The following PXDNL variants were observed in gnomAD, a reference collection of about 807,000 sequenced individuals.
PXDNL encodes probable oxidoreductase PXDNL.
A neutral mutation model predicts 150.8 loss-of-function variants in PXDNL; 145 were observed. That is an observed-to-expected ratio of 0.96 (90% confidence interval 0.84 to 1.10). The LOEUF is 1.10. Ranked by LOEUF, PXDNL falls within the 50% of genes least tolerant of loss-of-function variation. The pLI is 0.00. For synonymous variants in PXDNL, 757 were observed against 725.7 expected (o/e 1.04, Z -0.69); for missense variants, 2,087 against 1,873.9 (o/e 1.11, Z -2.10).
At chr8:51,486,679 G>A (rs1201091066) in intron 5 of PXDNL, among the ~76,000 whole-genome samples, 1 of 135,156 alleles carries the variant, frequency 7.4e-6, no homozygotes, top group Non-Finnish European at 1.5e-5. Flanking sequence ...GTTGATTTCT[G>A]CTTGTAGATG....
chr8:51,799,203 CAAGGAGGAGAAAAACACACACAGGA>C (rs1244574896), intron 1 of PXDNL, among the ~76,000 whole-genome samples: 1 of 152,038 alleles, frequency 6.6e-6, no homozygotes, highest in Non-Finnish European at 1.5e-5. Flanking sequence ...CACATGGACA[CAAGGAGGAGAAAAACACACACAGGA>C]GCCTGTGGGG....
chr8:51,453,545 T>TA lies in PXDNL; in HGVS notation c.1222_1223insT (p.Gln408LeufsTer34). On this transcript the variant is annotated frameshift_variant, in exon 10 of 23. Coordinates refer to ENST00000356297, the MANE Select transcript of PXDNL (RefSeq NM_144651.5). LOFTEE classifies it high-confidence loss of function. ...TTGTACAATTATGTTTGCTGCAGCT[T>TA]GAACAGTGCCGTGGCTATTGTTGGC... The TA allele has an allele frequency of 1.2e-6, 2 of 1,614,074 alleles. No homozygotes were observed. Among genetic ancestry groups the TA allele is most frequent in the Non-Finnish European group, 1.7e-6 (2 of 1,179,912 alleles).
intron 8 of PXDNL, among the ~76,000 whole-genome samples, chr8:51,462,105 CCA>C (rs1185410432): frequency 1.3e-5 from 2 of 152,166 alleles, no homozygotes; most frequent in Non-Finnish European, 2.9e-5. Context: ...TCAACATACA[CCA>C]CAGTCAAAAC....
chr8:51,493,143 G>A (rs993127976), intron 5 of PXDNL, among the ~76,000 whole-genome samples: 12 of 152,202 alleles, frequency 7.9e-5, no homozygotes, highest in Non-Finnish European at 1.2e-4. Context: ...CTGTTCTGCA[G>A]ACTGCGCTGC....
chr8:51,591,141 C>T (rs1427073601), intron 3 of PXDNL, among the ~76,000 whole-genome samples: 1 of 152,136 alleles, frequency 6.6e-6, no homozygotes, highest in Non-Finnish European at 1.5e-5. Flanking sequence ...TCTGTATGCT[C>T]ATTTGTCCTT....
chr8:51,480,336 G>T (rs78971172), intron 6 of PXDNL, among the ~76,000 whole-genome samples: 4 of 152,178 alleles, frequency 2.6e-5, no homozygotes, highest in African/African-American at 7.2e-5. Flanking sequence ...CATTAGCTCT[G>T]GGGGAGGCCT....
At chr8:51,604,592 A>G (rs971997649) in intron 2 of PXDNL, among the ~76,000 whole-genome samples, 4 of 152,220 alleles carry the variant, frequency 2.6e-5, no homozygotes, top group Non-Finnish European at 5.9e-5. Context: ...TGGCACATGT[A>G]TATATATGTA....
At chr8:51,400,001 AT>A (rs1363082636) in intron 17 of PXDNL, among the ~76,000 whole-genome samples, 9 of 152,252 alleles carry the variant, frequency 5.9e-5, no homozygotes, top group African/African-American at 2.2e-4. Flanking sequence ...TAATTGTAAA[AT>A]AATCTATCAT....
intron 1 of PXDNL, among the ~76,000 whole-genome samples, chr8:51,715,965 A>G (rs985818836): frequency 1.3e-5 from 2 of 152,224 alleles, no homozygotes; most frequent in Non-Finnish European, 2.9e-5. Context: ...GCAAATTTAA[A>G]TTCAAAAGTT....
intron 1 of PXDNL, among the ~76,000 whole-genome samples, chr8:51,667,180 A>G (rs1815403015): frequency 6.6e-6 from 1 of 152,198 alleles, no homozygotes; most frequent in East Asian, 1.9e-4. Flanking sequence ...GAATCTGATA[A>G]GAAAGCCTGA....
rs142173346 is a variant in PXDNL at position 51,700,492 on chromosome 8, T to A, written c.165-45732A>T. Among the ~76,000 whole-genome samples the A allele has an allele frequency of 4.6e-5, 7 of 151,426 alleles. No individual in the cohort carries two copies. The East Asian group carries it at 1.4e-3, about 29-fold the overall frequency. ...ACACACATGCATACACACATATACA[T>A]ATATACACACATATAAACATAACAT... On this transcript the variant is annotated intron_variant, in intron 1 of 22. Transcript: ENST00000356297.
intron 5 of PXDNL, among the ~76,000 whole-genome samples, chr8:51,490,088 G>T (rs1313279532): frequency 2.3e-4 from 35 of 152,244 alleles, no homozygotes; most frequent in Non-Finnish European, 5.9e-5. Context: ...TGAAGATATT[G>T]CAAAGACACA....
At chr8:51,807,193 G>A (rs923159134) in intron 1 of PXDNL, among the ~76,000 whole-genome samples, 3 of 152,188 alleles carry the variant, frequency 2.0e-5, no homozygotes, top group Admixed American at 6.5e-5. Flanking sequence ...TCTGCAGGCT[G>A]TACAAGAAGT....
intron 3 of PXDNL, among the ~76,000 whole-genome samples, chr8:51,585,211 CT>C (rs1347207160): frequency 6.6e-6 from 1 of 152,074 alleles, no homozygotes; most frequent in Non-Finnish European, 1.5e-5. Flanking sequence ...TTTGAAGCTC[CT>C]GTGGGACATA....
At chr8:51,575,065 T>A (rs762297000) in intron 3 of PXDNL, among the ~76,000 whole-genome samples, 16 of 152,054 alleles carry the variant, frequency 1.1e-4, no homozygotes, top group Non-Finnish European at 1.6e-4. Flanking sequence ...ATAATAGCAT[T>A]TTCTGAAGTA....
intron 2 of PXDNL, among the ~76,000 whole-genome samples, chr8:51,612,702 G>T (rs1279317613): frequency 1.3e-5 from 2 of 152,214 alleles, no homozygotes; most frequent in Non-Finnish European, 2.9e-5. Context: ...GACACAGGGA[G>T]AAGTTGGCAG....
intron 17 of PXDNL, among the ~76,000 whole-genome samples, chr8:51,379,752 T>C (rs942664465): frequency 6.6e-6 from 1 of 152,172 alleles, no homozygotes; most frequent in Non-Finnish European, 1.5e-5. Flanking sequence ...CATAGAGATA[T>C]TCTCTTTTAT....
At chr8:51,715,217 G>T (rs1275014521) in intron 1 of PXDNL, among the ~76,000 whole-genome samples, 1 of 152,162 alleles carries the variant, frequency 6.6e-6, no homozygotes, top group Non-Finnish European at 1.5e-5. Flanking sequence ...TTTCGCCAAA[G>T]AAGACATACA....
chr8:51,384,900 G>T (rs904928281), intron 17 of PXDNL, among the ~76,000 whole-genome samples: 1 of 151,858 alleles, frequency 6.6e-6, no homozygotes, highest in Non-Finnish European at 1.5e-5. Context: ...TTTGTTTTTT[G>T]ATTAGAGGAA....
Sources: allele counts gnomAD v4.1 joint callset (sites outside exome capture counted in the v4.1 genomes callset), GRCh38; gene constraint gnomAD v4.1.1; transcripts MANE v1.5; gene names NCBI Gene and HGNC (gene_info 2026-07-23, HGNC 2026-07-21).